Variants in FAM184A observed in about 807,000 individuals in gnomAD.
The protein encoded by FAM184A is family with sequence similarity 184 member A, also known as protein FAM184A.
Under a neutral mutation model 143.8 loss-of-function variants are expected in FAM184A, and 99 were observed. That is an observed-to-expected ratio of 0.69 (90% CI 0.58 to 0.81). The LOEUF (loss-of-function observed/expected upper bound fraction) is 0.81, where lower values mean the gene tolerates loss of function less well. FAM184A is among the 40% of genes least tolerant of loss of function. The pLI, the probability that FAM184A is intolerant of heterozygous loss-of-function variation, is 0.00. For missense variants in FAM184A, 1,217 were observed against 1,310.5 expected (o/e 0.93, Z 1.10); for synonymous variants, 427 against 446.4 (o/e 0.96, Z 0.55).
At chr6:119,137,115 T>G (rs575267840) in intron 1 of FAM184A, among the ~76,000 whole-genome samples, 9 of 152,236 alleles carry the variant, frequency 5.9e-5, no homozygotes, top group Non-Finnish European at 1.0e-4. Context: ...GGTGACAGAC[T>G]GTTTAAAGTA....
At chr6:119,139,693 A>G (rs539343949) in intron 1 of FAM184A, among the ~76,000 whole-genome samples, 1 of 152,242 alleles carries the variant, frequency 6.6e-6, no homozygotes, top group South Asian at 2.1e-4. Context: ...CCCATTTAAA[A>G]CTAAATTAAT....
rs141809390 is a variant in FAM184A, at chr6:118,991,426, G to A, written c.2089-11076C>T. ...GATCCACCTACCTCGGCCTCCTAAA[G>A]TGCTGGGATTACAGGTGTGAGCCAC... is the stretch of plus-strand genomic sequence containing the variant. On this transcript the variant is annotated intron_variant, in intron 9 of 17. Transcript: ENST00000338891. Among the ~76,000 whole-genome samples, 261 of 152,158 alleles carry A rather than the reference G, an allele frequency of 1.7e-3. 2 individuals carry two copies. The highest frequency in any genetic ancestry group is 0.01 in the Middle Eastern group (3 of 294).
intron 1 of FAM184A, among the ~76,000 whole-genome samples, chr6:119,070,515 C>G (rs1191821069): frequency 2.6e-5 from 4 of 152,070 alleles, no homozygotes. Context: ...TAAAAAGCCC[C>G]CTATGGTTTA....
intron 1 of FAM184A, among the ~76,000 whole-genome samples, chr6:119,128,473 G>A (rs1789433176): frequency 6.6e-6 from 1 of 152,124 alleles, no homozygotes; most frequent in Non-Finnish European, 1.5e-5. Context: ...CTAATTGTTT[G>A]AGACTCCTTC....
intron 1 of FAM184A, among the ~76,000 whole-genome samples, chr6:119,135,183 T>C (rs919594156): frequency 1.3e-5 from 2 of 152,180 alleles, no homozygotes; most frequent in Admixed American, 6.5e-5. Context: ...GGTACATGTA[T>C]CAACCTAGAA....
chr6:119,146,708 T>C (rs1772446955), intron 1 of FAM184A, among the ~76,000 whole-genome samples: 1 of 152,124 alleles, frequency 6.6e-6, no homozygotes. Flanking sequence ...AAATAAGGAA[T>C]AATGTCAGCA....
intron 1 of FAM184A, among the ~76,000 whole-genome samples, chr6:119,076,783 T>C (rs1197111102): frequency 6.6e-6 from 1 of 152,236 alleles, no homozygotes; most frequent in Non-Finnish European, 1.5e-5. Flanking sequence ...GCCTGGCTTT[T>C]AGACTCCAAA....
intron 1 of FAM184A, among the ~76,000 whole-genome samples, chr6:119,036,234 A>G (rs1397538306): frequency 6.6e-6 from 1 of 151,108 alleles, no homozygotes; most frequent in African/African-American, 2.4e-5. Flanking sequence ...TTTTAACTAG[A>G]AAGGAAAATC....
At chr6:119,080,090 T>C (rs1029376781), upstream of FAM184A, among the ~76,000 whole-genome samples, 1 of 152,244 alleles carries the variant, frequency 6.6e-6, no homozygotes, top group East Asian at 1.9e-4. Flanking sequence ...TTAGAACTCA[T>C]GTTCTTTACG....
At chr6:119,108,696 T>C (rs1788854903) in intron 1 of FAM184A, among the ~76,000 whole-genome samples, 1 of 152,046 alleles carries the variant, frequency 6.6e-6, no homozygotes, top group Non-Finnish European at 1.5e-5. Flanking sequence ...CACCCAGGGA[T>C]TGATGGATGG....
At chr6:119,025,163 T>C (rs1443919471) in intron 1 of FAM184A, among the ~76,000 whole-genome samples, 1 of 152,186 alleles carries the variant, frequency 6.6e-6, no homozygotes, top group African/African-American at 2.4e-5. Context: ...CCAATCTAGC[T>C]TACCGGGGAC....
chr6:119,035,203 C>T (rs1399671665), intron 1 of FAM184A, among the ~76,000 whole-genome samples: 1 of 152,114 alleles, frequency 6.6e-6, no homozygotes. Flanking sequence ...ATTCCAAGTT[C>T]CCCAAAGAAC....
intron 1 of FAM184A, among the ~76,000 whole-genome samples, chr6:119,143,667 T>C (rs1448907259): frequency 6.6e-6 from 1 of 152,220 alleles, no homozygotes; most frequent in African/African-American, 2.4e-5. Context: ...ACAGCTTAAA[T>C]GAACCTTTAG....
At chr6:118,970,352 A>G (rs904507986) in intron 14 of FAM184A, among the ~76,000 whole-genome samples, 1 of 151,798 alleles carries the variant, frequency 6.6e-6, no homozygotes, top group African/African-American at 2.4e-5. Context: ...TCATTACTCT[A>G]TTTCACAACA....
At chr6:118,981,600 A>G (rs931248426) in intron 9 of FAM184A, among the ~76,000 whole-genome samples, 2 of 152,160 alleles carry the variant, frequency 1.3e-5, no homozygotes, top group African/African-American at 2.4e-5. Flanking sequence ...CATGCAAGAG[A>G]AGAACGGAGG....
intron 9 of FAM184A, among the ~76,000 whole-genome samples, chr6:118,980,709 G>A (rs1053261552): frequency 3.3e-5 from 5 of 152,186 alleles, no homozygotes; most frequent in Non-Finnish European, 7.3e-5. Context: ...TAGTCACTTT[G>A]AGGAAAGAGT....
chr6:119,119,720 C>T (rs1053438251), intron 1 of FAM184A, among the ~76,000 whole-genome samples: 2 of 152,024 alleles, frequency 1.3e-5, no homozygotes, highest in African/African-American at 4.8e-5. Flanking sequence ...CCTGTAAACC[C>T]AGCACTTTGG....
intron 9 of FAM184A, among the ~76,000 whole-genome samples, chr6:118,999,506 CAT>C (rs933523746): frequency 9.9e-5 from 15 of 152,210 alleles, no homozygotes; most frequent in African/African-American, 2.2e-4. Context: ...GAAATATACA[CAT>C]ATGTTTAATA....
intron 1 of FAM184A, among the ~76,000 whole-genome samples, chr6:119,034,035 T>TAGAGAG (rs1454004344): frequency 5.8e-5 from 2 of 34,274 alleles, no homozygotes; most frequent in African/African-American, 2.2e-4. Flanking sequence ...TATATATATA[T>TAGAGAG]ATATATAGAG....
Sources: allele counts gnomAD v4.1 joint callset (sites outside exome capture counted in the v4.1 genomes callset), GRCh38; gene constraint gnomAD v4.1.1; transcripts MANE v1.5; gene names NCBI Gene and HGNC (gene_info 2026-07-23, HGNC 2026-07-21).